The following TJP1 variants were observed in gnomAD, a reference collection of about 807,000 sequenced individuals.
TJP1 encodes tight junction protein 1.
A neutral mutation model predicts 194.2 loss-of-function variants in TJP1; 43 were observed. The ratio of observed to expected loss-of-function variants is 0.22; its 90% CI spans 0.17 to 0.29. The LOEUF is 0.29. Ranked by LOEUF, TJP1 falls within the 10% of genes least tolerant of loss-of-function variation. The pLI, the probability that TJP1 is intolerant of heterozygous loss-of-function variation, is 1.00. For synonymous variants in TJP1, 801 were observed against 779.0 expected (o/e 1.03, Z -0.47); for missense variants, 1,971 against 2,185.7 (o/e 0.90, Z 1.96).
At chr15:29,948,056 A>G (rs1296927470) in intron 2 of TJP1, among the ~76,000 whole-genome samples, 7 of 152,096 alleles carry the variant, frequency 4.6e-5, no homozygotes, top group Non-Finnish European at 8.8e-5. Flanking sequence ...CACGAGGTCA[A>G]GAGATCAAGA....
At chr15:29,897,735 G>A (rs926828764) in intron 2 of TJP1, among the ~76,000 whole-genome samples, 1 of 152,194 alleles carries the variant, frequency 6.6e-6, no homozygotes, top group Non-Finnish European at 1.5e-5. Flanking sequence ...GTGAGACATG[G>A]AGTCAAAGGA....
At position 29,722,783 on chromosome 15, in the gene TJP1, C is replaced by T. The variant is rs181848313; in HGVS notation, c.2413-2075G>A. On this transcript the variant is annotated intron_variant, in intron 18 of 27. Transcript: ENST00000614355. Reference sequence around the variant, plus strand: ...ATGAAAGGAGCTGCAGGGGCTGTGCCCTGCGTGGCTACAGGGGCAGAGCTG... The same window carrying T: ...ATGAAAGGAGCTGCAGGGGCTGTGCTCTGCGTGGCTACAGGGGCAGAGCTG... 3.6e-3 allele frequency among the ~76,000 whole-genome samples: 548 copies of T among 152,304 alleles called. 3 individuals are homozygous for T. The highest frequency in any genetic ancestry group is 0.013 in the African/African-American group (521 of 41,582).
intron 2 of TJP1, among the ~76,000 whole-genome samples, chr15:29,869,983 A>AT (rs2052453404): frequency 6.7e-6 from 1 of 150,272 alleles, no homozygotes; most frequent in Admixed American, 6.6e-5. Context: ...ATTTTTTTGT[A>AT]TTTTTAGTAC....
Position 29,811,310 on chromosome 15 carries a change from G to A in TJP1, c.28-10608C>T, listed in dbSNP as rs181728641. On this transcript the variant is annotated intron_variant, in intron 1 of 27. Transcript: ENST00000614355. ...GTAGCGGGGCGGGGGAGAGCGGAGAGAAACTAATCAAACCTGGATTTTGAA... is the reference window on the plus strand; with the variant it reads ...GTAGCGGGGCGGGGGAGAGCGGAGAAAAACTAATCAAACCTGGATTTTGAA... Among the ~76,000 whole-genome samples, 892 of 151,884 alleles carry A rather than the reference G, an allele frequency of 5.9e-3. 5 individuals are homozygous for A. Among genetic ancestry groups the A allele is most frequent in the Middle Eastern group, 0.017 (5 of 294 alleles).
chr15:29,877,962 C>T (rs554079583), intron 2 of TJP1, among the ~76,000 whole-genome samples: 54 of 151,804 alleles, frequency 3.6e-4, no homozygotes, highest in African/African-American at 1.2e-3. Context: ...CCACCCCGCC[C>T]GGCCGATTAT....
At chr15:29,705,787 A>T (rs773206062) in intron 25 of TJP1, 42 bp from the exon 26 acceptor site, 11 of 1,567,576 alleles carry the variant, frequency 7.0e-6, no homozygotes, top group African/African-American at 1.4e-5. Flanking sequence ...TCCTAATAAT[A>T]CACAGGTGCT....
chr15:29,822,999 G>C (rs571345162), upstream of TJP1: 5 of 152,374 alleles, frequency 3.3e-5, no homozygotes, highest in South Asian at 4.1e-4. Flanking sequence ...CGTTGCTCTC[G>C]TTCACCGGCG....
intron 2 of TJP1, among the ~76,000 whole-genome samples, chr15:29,927,847 G>C (rs913327609): frequency 6.6e-6 from 1 of 152,110 alleles, no homozygotes; most frequent in Admixed American, 6.6e-5. Context: ...GGATCCTGAA[G>C]GGGTACTCTT....
chr15:29,923,111 C>T (rs1033798161), intron 2 of TJP1, among the ~76,000 whole-genome samples: 1 of 152,152 alleles, frequency 6.6e-6, no homozygotes, highest in Non-Finnish European at 1.5e-5. Flanking sequence ...CAGAGTGGCA[C>T]TCTGTGTCAA....
intron 2 of TJP1, among the ~76,000 whole-genome samples, chr15:29,861,942 C>T (rs2052096993): frequency 6.6e-6 from 1 of 152,102 alleles, no homozygotes; most frequent in Non-Finnish European, 1.5e-5. Flanking sequence ...AAGACTTACT[C>T]CTGTGTTTTC....
chr15:29,833,873 A>ATTTTTT (rs2050918855), intron 2 of TJP1, among the ~76,000 whole-genome samples: 4 of 18,152 alleles, frequency 2.2e-4, no homozygotes, highest in East Asian at 0.014. Flanking sequence ...ATATATATAT[A>ATTTTTT]TATATATATT....
intron 26 of TJP1, among the ~76,000 whole-genome samples, chr15:29,705,119 G>C (rs2041811886): frequency 6.6e-6 from 1 of 152,210 alleles, no homozygotes; most frequent in South Asian, 2.1e-4. Flanking sequence ...TGATGAATAA[G>C]ACAGTACCTG....
intron 2 of TJP1, among the ~76,000 whole-genome samples, chr15:29,874,520 C>G (rs967618614): frequency 5.9e-5 from 9 of 152,158 alleles, no homozygotes; most frequent in Non-Finnish European, 1.3e-4. Context: ...AAAAAGGAAT[C>G]TACCCCATTA....
chr15:29,842,997 G>A (rs981349277), intron 2 of TJP1, among the ~76,000 whole-genome samples: 1 of 152,016 alleles, frequency 6.6e-6, no homozygotes, highest in Non-Finnish European at 1.5e-5. Flanking sequence ...TTTTTAAAAA[G>A]TCATTGCTAT....
At chr15:29,939,900 G>A (rs1216280882) in intron 2 of TJP1, among the ~76,000 whole-genome samples, 2 of 152,106 alleles carry the variant, frequency 1.3e-5, no homozygotes, top group Non-Finnish European at 2.9e-5. Flanking sequence ...CCAGAACCAT[G>A]AGAAATAAAC....
chr15:29,852,275 AAAAC>A (rs1036150073), intron 2 of TJP1, among the ~76,000 whole-genome samples: 6 of 152,256 alleles, frequency 3.9e-5, no homozygotes, highest in African/African-American at 1.2e-4. Flanking sequence ...CAACTGTAAA[AAAAC>A]AAACAGCCCA....
rs185579375 is a variant in TJP1 at position 29,939,584 on chromosome 15, G to A, written c.306+16648C>T. 4.9e-4 allele frequency among the ~76,000 whole-genome samples: 75 copies of A among 152,264 alleles called. 1 individual carries two copies. The highest frequency in any genetic ancestry group is 1.7e-3 in the African/African-American group (72 of 41,538). Reference sequence around the variant, plus strand: ...GCAATGCTGGTGAGTCATAAGAGAAGGCAAGGAAAAATACCACCCAGCTAC... The same window carrying A: ...GCAATGCTGGTGAGTCATAAGAGAAAGCAAGGAAAAATACCACCCAGCTAC... On this transcript the variant is annotated intron_variant, in intron 2 of 28. Transcript: ENST00000356107.
At chr15:29,944,217 C>T (rs769051779) in intron 2 of TJP1, among the ~76,000 whole-genome samples, 121 of 151,830 alleles carry the variant, frequency 8.0e-4, no homozygotes, top group Middle Eastern at 3.4e-3. Context: ...CTCTGCCTCC[C>T]GACTAGCTGG....
intron 19 of TJP1, 25 bp downstream of exon 19, chr15:29,720,333 A>G: frequency 2.0e-6 from 3 of 1,521,892 alleles, no homozygotes; most frequent in Non-Finnish European, 2.6e-6. Flanking sequence ...CTCTATCTAC[A>G]AAACGTTGAA....
Sources: allele counts gnomAD v4.1 joint callset (sites outside exome capture counted in the v4.1 genomes callset), GRCh38; gene constraint gnomAD v4.1.1; transcripts MANE v1.5; gene names NCBI Gene and HGNC (gene_info 2026-07-23, HGNC 2026-07-21).